The following CAPZA1 variants were observed in gnomAD, a reference collection of about 807,000 sequenced individuals.
CAPZA1 encodes the protein capping actin protein of muscle Z-line subunit alpha 1.
In CAPZA1, 10 loss-of-function variants were observed where a neutral mutation model predicts 40.8. The ratio of observed to expected loss-of-function variants is 0.25; its 90% CI spans 0.15 to 0.42. The LOEUF is 0.42. Among genes scored for constraint, CAPZA1 ranks in the 10% least tolerant of loss-of-function variants. The pLI, the probability that CAPZA1 is intolerant of heterozygous loss-of-function variation, is 1.00. For synonymous variants in CAPZA1, 98 were observed against 115.0 expected (o/e 0.85, Z 0.95); for missense variants, 277 against 353.8 (o/e 0.78, Z 1.74).
In CAPZA1 at chr1:112,670,153, C is replaced by T; in HGVS notation, c.*21C>T. 6.2e-7 allele frequency: 1 copy of T among 1,613,064 alleles called. No individual in the cohort carries two copies. The highest frequency in any genetic ancestry group is 8.5e-7 in the Non-Finnish European group (1 of 1,179,136). On this transcript the variant is annotated 3_prime_UTR_variant, in exon 10 of 10. Coordinates refer to ENST00000263168, the MANE Select transcript of CAPZA1 (RefSeq NM_006135.3). ...CTTAAAGGCTGAATGTAGGATTCTTCAGTATGTGGAAAGACAAGGATTCAA... is the reference window on the plus strand; with the variant it reads ...CTTAAAGGCTGAATGTAGGATTCTTTAGTATGTGGAAAGACAAGGATTCAA...
chr1:112,661,107 C>T (rs970848092), intron 7 of CAPZA1, among the ~76,000 whole-genome samples: 1 of 151,888 alleles, frequency 6.6e-6, no homozygotes. Flanking sequence ...AGCCACTGTG[C>T]CCAGCCAAGA....
chr1:112,667,861 G>C (rs890381019), intron 8 of CAPZA1, among the ~76,000 whole-genome samples: 2 of 152,044 alleles, frequency 1.3e-5, no homozygotes, highest in African/African-American at 4.8e-5. Context: ...TGAAAGAAGA[G>C]ACATGATTTG....
intron 2 of CAPZA1, among the ~76,000 whole-genome samples, chr1:112,648,892 A>G (rs1478372236): frequency 6.6e-6 from 1 of 151,924 alleles, no homozygotes; most frequent in African/African-American, 2.4e-5. Flanking sequence ...GAACTGGGGA[A>G]GCGGAGGTTG....
chr1:112,663,639 T>A (rs1671663379), intron 7 of CAPZA1, among the ~76,000 whole-genome samples: 1 of 152,040 alleles, frequency 6.6e-6, no homozygotes, highest in Non-Finnish European at 1.5e-5. Flanking sequence ...GTAGCTGGGA[T>A]TACAGGCACC....
intron 3 of CAPZA1, among the ~76,000 whole-genome samples, chr1:112,652,273 G>GA (rs1671404718): frequency 6.6e-6 from 1 of 152,052 alleles, no homozygotes; most frequent in African/African-American, 2.4e-5. Context: ...CCTGAGGTTG[G>GA]AAGTTCGAGA....
Position 112,658,920 on chromosome 1 carries a change from C to A in CAPZA1, c.427-102C>A, listed in dbSNP as rs80028388. 3.3e-4 allele frequency: 276 copies of A among 838,144 alleles called. No homozygotes were observed. In the East Asian group the frequency reaches 6.5e-3, roughly 20 times the overall value. The allele number at this position is 838,144 out of a possible 1,614,324, so 51.9% of individuals were successfully genotyped here. A position where few individuals can be genotyped will look rare whatever the true frequency, so the allele number is the denominator to read the frequency against. On this transcript the variant is annotated intron_variant, in intron 5 of 9. Transcript: ENST00000263168. The stretch of plus-strand genomic sequence containing the variant: ...TGTTCTAAGCTCATTTTATGTGATT[C>A]TTTGTCTCCCCCAAGGATTTAACAC...
chr1:112,627,377 GT>G (rs953063931), intron 1 of CAPZA1, among the ~76,000 whole-genome samples: 9 of 152,238 alleles, frequency 5.9e-5, no homozygotes, highest in African/African-American at 2.2e-4. Flanking sequence ...AGGTGCGGTG[GT>G]TCACACTTGT....
chr1:112,620,102 C>A, intron 1 of CAPZA1: 1 of 509,624 alleles, frequency 2.0e-6, no homozygotes, highest in Non-Finnish European at 3.5e-6. Context: ...TTCTCTCAGG[C>A]CTGAGGCACA....
At chr1:112,659,613 T>C in intron 6 of CAPZA1, 88 bp from the exon 7 acceptor site, 2 of 952,730 alleles carry the variant, frequency 2.1e-6, no homozygotes, top group Non-Finnish European at 3.2e-6. Context: ...TTTGCACCCC[T>C]CTTTCCCAAC....
intron 1 of CAPZA1, 55 bp downstream of exon 1, chr1:112,619,938 G>C (rs1449176222): frequency 6.8e-7 from 1 of 1,468,716 alleles, no homozygotes; most frequent in Non-Finnish European, 9.4e-7. Flanking sequence ...ACTGGGGCCC[G>C]GCCCGGCTGC....
intron 7 of CAPZA1, among the ~76,000 whole-genome samples, chr1:112,661,748 T>G (rs1470233643): frequency 6.6e-6 from 1 of 152,218 alleles, no homozygotes; most frequent in African/African-American, 2.4e-5. Flanking sequence ...GCTCTGCCAG[T>G]GCAAACCTAT....
intron 7 of CAPZA1, among the ~76,000 whole-genome samples, chr1:112,663,744 A>T (rs948721369): frequency 6.6e-6 from 1 of 152,118 alleles, no homozygotes; most frequent in African/African-American, 2.4e-5. Flanking sequence ...ACCTCAAGTG[A>T]TCTGCCCACC....
intron 1 of CAPZA1, among the ~76,000 whole-genome samples, chr1:112,627,517 C>T (rs752683387): frequency 6.6e-5 from 10 of 151,506 alleles, no homozygotes; most frequent in African/African-American, 1.9e-4. Context: ...TAGTGGCACA[C>T]GCCTGTAGTC....
chr1:112,620,201 G>C (rs762550816), intron 1 of CAPZA1: 1 of 278,550 alleles, frequency 3.6e-6, no homozygotes, highest in Admixed American at 5.2e-5. Flanking sequence ...AGAGGGTGGT[G>C]GTTATGTTGC....
At chr1:112,656,391 G>C (rs1320366504) in intron 5 of CAPZA1, among the ~76,000 whole-genome samples, 1 of 143,460 alleles carries the variant, frequency 7.0e-6, no homozygotes, top group East Asian at 2.1e-4. Context: ...CACAAAGTAA[G>C]CTCTACATAA....
At chr1:112,642,339 G>A (rs148189772) in intron 1 of CAPZA1, among the ~76,000 whole-genome samples, 14 of 149,474 alleles carry the variant, frequency 9.4e-5, no homozygotes, top group Non-Finnish European at 5.9e-5. Context: ...TCAGCCTCCC[G>A]AGTAGCTGTG....
chr1:112,631,485 G>C (rs17030592), intron 1 of CAPZA1, among the ~76,000 whole-genome samples: 4,792 of 152,178 alleles, frequency 0.031, 272 homozygotes, highest in African/African-American at 0.11. Context: ...ATGTGAAACT[G>C]TATCTGACTC....
At chr1:112,636,421 T>G (rs1346389928) in intron 1 of CAPZA1, among the ~76,000 whole-genome samples, 1 of 152,186 alleles carries the variant, frequency 6.6e-6, no homozygotes, top group Non-Finnish European at 1.5e-5. Flanking sequence ...CCTTTTTAGG[T>G]TAGGAACAAA....
intron 1 of CAPZA1, chr1:112,646,707 G>A (rs1197023841): frequency 6.7e-6 from 1 of 150,102 alleles, no homozygotes; most frequent in African/African-American, 2.4e-5. Flanking sequence ...TAATAGTTTT[G>A]GTTTTTTATG....
Sources: gnomAD v4.1 joint callset for allele counts (sites outside exome capture counted in the v4.1 genomes callset) on GRCh38, gnomAD v4.1.1 for gene constraint, MANE v1.5 for transcripts, NCBI Gene and HGNC (gene_info 2026-07-23, HGNC 2026-07-21) for gene names.